The following MACROD2 variants were observed in gnomAD, a reference collection of about 807,000 sequenced individuals.
MACROD2 encodes the protein mono-ADP ribosylhydrolase 2.
In MACROD2, 36 loss-of-function variants were observed where a neutral mutation model predicts 70.4. That is an observed-to-expected ratio of 0.51 (90% CI 0.39 to 0.68). MACROD2 has a LOEUF of 0.68. Among genes scored for constraint, MACROD2 ranks in the 30% least tolerant of loss-of-function variants. MACROD2 has a pLI of 0.00. For missense variants in MACROD2, 496 were observed against 538.4 expected, an observed-to-expected ratio of 0.92 and a Z score of 0.78; for synonymous variants, 172 against 178.8, an observed-to-expected ratio of 0.96 and a Z score of 0.30.
At chr20:14,593,752 T>G (rs1426293168) in intron 4 of MACROD2, among the ~76,000 whole-genome samples, 4 of 152,196 alleles carry the variant, frequency 2.6e-5, no homozygotes, top group African/African-American at 9.7e-5. Context: ...AGAATTGCAT[T>G]TATATATTTA....
At chr20:14,217,401 C>T (rs914884560) in intron 3 of MACROD2, among the ~76,000 whole-genome samples, 7 of 152,044 alleles carry the variant, frequency 4.6e-5, no homozygotes, top group African/African-American at 1.4e-4. Context: ...TTGTTAGATT[C>T]GGTTAGCAAG....
chr20:14,368,086 C>T (rs972206780), intron 3 of MACROD2, among the ~76,000 whole-genome samples: 1 of 152,154 alleles, frequency 6.6e-6, no homozygotes, highest in African/African-American at 2.4e-5. Context: ...CTTGTTTATA[C>T]ATCACATTGC....
chr20:15,562,610 T>C (rs1249130873), intron 8 of MACROD2, among the ~76,000 whole-genome samples: 2 of 152,342 alleles, frequency 1.3e-5, no homozygotes, highest in South Asian at 4.1e-4. Flanking sequence ...TGATTTGTTC[T>C]AAATGTTTTA....
chr20:14,361,117 T>C (rs1568576615), intron 3 of MACROD2, among the ~76,000 whole-genome samples: 1 of 152,186 alleles, frequency 6.6e-6, no homozygotes, highest in African/African-American at 2.4e-5. Flanking sequence ...TATGTACTTA[T>C]GTGCCAAGGC....
rs546215970 is a variant in MACROD2, at chr20:14,181,555, G to A, written c.271+95827G>A. Among the ~76,000 whole-genome samples the A allele has an allele frequency of 2.6e-5, 4 of 151,498 alleles. No individual in the cohort carries two copies. In the East Asian group the frequency reaches 7.7e-4, roughly 29 times the overall value. On this transcript the variant is annotated intron_variant, in intron 3 of 17. Coordinates refer to ENST00000684519, the MANE Select transcript of MACROD2 (RefSeq NM_001351661.2). ...TGGCTTTTAGTGTATTTATAAATTT[G>A]TGAAGCCATCACCACTATCTAATTC...
At position 14,244,514 on chromosome 20, in the gene MACROD2, T is replaced by G. The variant is rs575330929; in HGVS notation, c.271+158786T>G. ...ATTGTGGTGTCCAGGCTGCATGTTA[T>G]GAATAGATTTGGAACCTGGCATGAA... On this transcript the variant is annotated intron_variant, in intron 3 of 17. Coordinates refer to ENST00000684519, the MANE Select transcript of MACROD2 (RefSeq NM_001351661.2). Among the ~76,000 whole-genome samples, 3 of 152,322 alleles carry G rather than the reference T, an allele frequency of 2.0e-5. No homozygotes were observed. The South Asian group carries it at 6.2e-4, about 32-fold the overall frequency.
At chr20:15,941,229 A>T (rs185082189) in intron 12 of MACROD2, among the ~76,000 whole-genome samples, 14 of 152,322 alleles carry the variant, frequency 9.2e-5, no homozygotes, top group African/African-American at 3.4e-4. Context: ...GTGAAGTTTT[A>T]TGAGTATTAC....
intron 12 of MACROD2, among the ~76,000 whole-genome samples, chr20:15,953,674 G>A (rs1277648796): frequency 1.3e-5 from 2 of 152,078 alleles, no homozygotes; most frequent in Non-Finnish European, 2.9e-5. Context: ...TATGTTTCAG[G>A]TTGTCTGCTG....
chr20:14,563,624 G>C (rs1185590370), intron 4 of MACROD2, among the ~76,000 whole-genome samples: 1 of 151,884 alleles, frequency 6.6e-6, no homozygotes, highest in Non-Finnish European at 1.5e-5. Context: ...GCTTGACTCA[G>C]TTTCCCCCAA....
At chr20:14,946,500 A>C (rs1191336116) in intron 5 of MACROD2, among the ~76,000 whole-genome samples, 1 of 152,190 alleles carries the variant, frequency 6.6e-6, no homozygotes, top group African/African-American at 2.4e-5. Context: ...ATATAGATAT[A>C]TATGAGCCTT....
At chr20:14,150,509 A>C (rs1190397014) in intron 3 of MACROD2, among the ~76,000 whole-genome samples, 5 of 152,248 alleles carry the variant, frequency 3.3e-5, no homozygotes, top group Non-Finnish European at 7.3e-5. Context: ...AAATGCAAGC[A>C]GTACTTTTTC....
intron 5 of MACROD2, among the ~76,000 whole-genome samples, chr20:15,099,275 G>A (rs1272520214): frequency 6.6e-6 from 1 of 152,192 alleles, no homozygotes; most frequent in Non-Finnish European, 1.5e-5. Context: ...GGTATTTCAA[G>A]TTGGAGCCTT....
intron 8 of MACROD2, among the ~76,000 whole-genome samples, chr20:15,533,917 G>T (rs1209175014): frequency 6.6e-6 from 1 of 152,198 alleles, no homozygotes; most frequent in Admixed American, 6.5e-5. Flanking sequence ...AGCCAGGGAA[G>T]TGGGGAGGAG....
At chr20:14,206,676 A>T (rs767923333) in intron 3 of MACROD2, among the ~76,000 whole-genome samples, 4 of 147,698 alleles carry the variant, frequency 2.7e-5, no homozygotes, top group African/African-American at 5.0e-5. Flanking sequence ...TTTTTAAGTC[A>T]GTTACTTGCT....
rs185767458 is a variant in MACROD2, at chr20:14,034,036, A to G, written c.163+31632A>G. Among the ~76,000 whole-genome samples the G allele has an allele frequency of 6.3e-3, 959 of 152,110 alleles. 9 individuals carry two copies. The highest frequency in any genetic ancestry group is 0.021 in the African/African-American group (890 of 41,474). ...GCCCAGGCTGGAGTGCAGTGGCGCT[A>G]TCTTGGCTCACTGCAAGCTCCGCCT... On this transcript the variant is annotated intron_variant, in intron 2 of 17. Transcript: ENST00000684519.
In MACROD2 at chr20:14,925,149, G is replaced by T. The variant is rs534634511; in HGVS notation, c.418+240190G>T. ...TCTCCTGTGTTTTTTGTTTTGTTTT[G>T]TTTTTTTACCCTTTTCTCTCAATCT... On this transcript the variant is annotated intron_variant, in intron 5 of 17. Transcript: ENST00000684519. Among the ~76,000 whole-genome samples, 12 of 151,500 alleles carry T rather than the reference G, an allele frequency of 7.9e-5. No individual in the cohort carries two copies. The East Asian group carries it at 2.3e-3, about 29-fold the overall frequency.
chr20:15,841,381 G>A (rs1427896154), intron 8 of MACROD2, among the ~76,000 whole-genome samples: 1 of 152,078 alleles, frequency 6.6e-6, no homozygotes, highest in African/African-American at 2.4e-5. Context: ...AAAGAAAAGA[G>A]GTTTACTTGG....
chr20:15,693,752 G>A (rs2050327506), intron 8 of MACROD2, among the ~76,000 whole-genome samples: 1 of 151,992 alleles, frequency 6.6e-6, no homozygotes, highest in South Asian at 2.1e-4. Context: ...GGGGTACAGT[G>A]GTATTTGGTT....
At chr20:15,798,545 A>G (rs560383268) in intron 8 of MACROD2, among the ~76,000 whole-genome samples, 1 of 152,308 alleles carries the variant, frequency 6.6e-6, no homozygotes, top group East Asian at 1.9e-4. Flanking sequence ...TATTGGTAAA[A>G]AGTAAGTCAC....
Sources: gnomAD v4.1 joint callset for allele counts (sites outside exome capture counted in the v4.1 genomes callset) on GRCh38, gnomAD v4.1.1 for gene constraint, MANE v1.5 for transcripts, NCBI Gene and HGNC (gene_info 2026-07-23, HGNC 2026-07-21) for gene names.